Variants in NEBL observed in about 807,000 individuals in gnomAD.
NEBL encodes the protein nebulette.
A neutral mutation model predicts 140.2 loss-of-function variants in NEBL; 122 were observed. The observed-to-expected ratio is 0.87, with a 90% CI of 0.75 to 1.01. The LOEUF (loss-of-function observed/expected upper bound fraction) is 1.01. Ranked by LOEUF, NEBL falls within the 50% of genes least tolerant of loss-of-function variation. The pLI, the probability that NEBL is intolerant of heterozygous loss-of-function variation, is 0.00. For synonymous variants in NEBL, 436 were observed against 398.9 expected (o/e 1.09, Z -1.11); for missense variants, 1,365 against 1,231.3 (o/e 1.11, Z -1.62).
intron 3 of NEBL, among the ~76,000 whole-genome samples, chr10:21,183,357 G>T (rs1289766268): frequency 6.6e-6 from 1 of 152,102 alleles, no homozygotes; most frequent in Non-Finnish European, 1.5e-5. Flanking sequence ...TTGGAAGAGG[G>T]GAGAGCCGCA....
intron 3 of NEBL, among the ~76,000 whole-genome samples, chr10:21,237,588 C>T (rs548274153): frequency 6.6e-6 from 1 of 151,764 alleles, no homozygotes; most frequent in Non-Finnish European, 1.5e-5. Context: ...ACAGCATCTC[C>T]CTCATATCTT....
At chr10:21,084,701 A>T (rs1050168483) in intron 2 of NEBL, among the ~76,000 whole-genome samples, 2 of 152,236 alleles carry the variant, frequency 1.3e-5, no homozygotes, top group Non-Finnish European at 2.9e-5. Flanking sequence ...TTAGAAATTC[A>T]CAGAATTCAG....
intron 4 of NEBL, among the ~76,000 whole-genome samples, chr10:20,933,552 G>A (rs1287077345): frequency 6.6e-6 from 1 of 152,042 alleles, no homozygotes; most frequent in African/African-American, 2.4e-5. Flanking sequence ...TGGCCAACAT[G>A]GCTAAACCCC....
chr10:21,291,715 C>A (rs1443468779), intron 1 of NEBL, among the ~76,000 whole-genome samples: 3 of 151,674 alleles, frequency 2.0e-5, no homozygotes, highest in Non-Finnish European at 4.4e-5. Context: ...GAGTTCAAGA[C>A]CAACCTGGCC....
chr10:21,187,303 C>T (rs1841491258), intron 3 of NEBL, among the ~76,000 whole-genome samples: 2 of 152,050 alleles, frequency 1.3e-5, no homozygotes, highest in South Asian at 2.1e-4. Flanking sequence ...TTCTTCATAA[C>T]GGCATGAGAA....
intron 3 of NEBL, among the ~76,000 whole-genome samples, chr10:21,215,624 T>C (rs913196533): frequency 6.6e-6 from 1 of 152,162 alleles, no homozygotes; most frequent in Admixed American, 6.6e-5. Flanking sequence ...CCCACTACCA[T>C]AATATTTTCC....
Position 21,253,481 on chromosome 10 carries a change from T to G in NEBL, n.183-1653A>C, listed in dbSNP as rs189798086. On this transcript the variant is annotated intron_variant and non_coding_transcript_variant, in intron 1 of 8. Transcript: ENST00000675702. ...CATGCTGGGATAAACTAGACAACAT[T>G]GAGGGTAGGAGCCATTTATAGAGTA... 3.0e-4 allele frequency among the ~76,000 whole-genome samples: 46 copies of G among 151,916 alleles called. 1 individual carries two copies. In the East Asian group the frequency reaches 7.2e-3, roughly 24 times the overall value.
chr10:20,795,666 A>C (rs1836434692), intron 26 of NEBL, among the ~76,000 whole-genome samples: 1 of 152,032 alleles, frequency 6.6e-6, no homozygotes, highest in South Asian at 2.1e-4. Context: ...TGTATGATAA[A>C]TTTCAAGCCT....
chr10:21,255,518 A>G (rs1236863613), intron 1 of NEBL, among the ~76,000 whole-genome samples: 3 of 152,222 alleles, frequency 2.0e-5, no homozygotes, highest in African/African-American at 7.2e-5. Flanking sequence ...AATAAATAAA[A>G]TTGTAAATTT....
intron 2 of NEBL, among the ~76,000 whole-genome samples, chr10:21,144,694 T>A (rs1487179188): frequency 6.6e-6 from 1 of 151,578 alleles, no homozygotes; most frequent in Non-Finnish European, 1.5e-5. Context: ...GTCACTGCAC[T>A]CCAGCCTGGG....
At chr10:21,177,777 C>G (rs1287974068), upstream of NEBL, among the ~76,000 whole-genome samples, 2 of 152,168 alleles carry the variant, frequency 1.3e-5, no homozygotes, top group African/African-American at 4.8e-5. Context: ...ATCTGCCAGT[C>G]TCGGCCTCCC....
intron 1 of NEBL, among the ~76,000 whole-genome samples, chr10:21,270,442 C>T (rs1180744733): frequency 6.6e-6 from 1 of 151,826 alleles, no homozygotes; most frequent in Non-Finnish European, 1.5e-5. Context: ...TCTTGGCTCA[C>T]TGCAACTTCC....
At chr10:20,917,630 G>A (rs1219485508) in intron 4 of NEBL, among the ~76,000 whole-genome samples, 1 of 152,136 alleles carries the variant, frequency 6.6e-6, no homozygotes, top group Non-Finnish European at 1.5e-5. Context: ...AGAAACTTAT[G>A]CAAATTTTGA....
At chr10:21,098,273 C>T (rs1837294706) in intron 2 of NEBL, among the ~76,000 whole-genome samples, 2 of 152,152 alleles carry the variant, frequency 1.3e-5, no homozygotes, top group Admixed American at 6.5e-5. Context: ...CACACTGTCA[C>T]ACAGAGAGTG....
At chr10:21,277,987 T>C (rs1588592608) in intron 1 of NEBL, among the ~76,000 whole-genome samples, 1 of 152,336 alleles carries the variant, frequency 6.6e-6, no homozygotes, top group Non-Finnish European at 1.5e-5. Context: ...AAAGACCCCT[T>C]GAGGCTTCGC....
At chr10:21,093,849 G>A (rs1184388015) in intron 2 of NEBL, among the ~76,000 whole-genome samples, 5 of 152,176 alleles carry the variant, frequency 3.3e-5, no homozygotes, top group Non-Finnish European at 5.9e-5. Flanking sequence ...AGCCTTCATT[G>A]CATGTGTTAC....
chr10:21,114,272 T>A (rs963300443), intron 2 of NEBL, among the ~76,000 whole-genome samples: 5 of 152,130 alleles, frequency 3.3e-5, no homozygotes, highest in Admixed American at 1.3e-4. Flanking sequence ...TTAATCCCAC[T>A]GTGGTCAGAA....
At chr10:20,863,024 G>A (rs1843885217) in intron 7 of NEBL, among the ~76,000 whole-genome samples, 1 of 152,022 alleles carries the variant, frequency 6.6e-6, no homozygotes, top group Non-Finnish European at 1.5e-5. Flanking sequence ...AGGTATATAG[G>A]ATCAAACTCC....
intron 1 of NEBL, among the ~76,000 whole-genome samples, chr10:21,257,721 T>TA (rs1842677578): frequency 1.3e-5 from 2 of 151,972 alleles, no homozygotes; most frequent in Admixed American, 1.3e-4. Flanking sequence ...CCATCTCTAC[T>TA]AAAAATACAA....
Sources: gnomAD v4.1 joint callset for allele counts (sites outside exome capture counted in the v4.1 genomes callset) on GRCh38, gnomAD v4.1.1 for gene constraint, MANE v1.5 for transcripts, NCBI Gene and HGNC (gene_info 2026-07-23, HGNC 2026-07-21) for gene names.